The following CA8 variants were observed in gnomAD, a reference collection of about 807,000 sequenced individuals.
The protein encoded by CA8 is carbonic anhydrase-related protein.
In CA8, 22 loss-of-function variants were observed where a neutral mutation model predicts 41.4. That is an observed-to-expected ratio of 0.53 (90% CI 0.38 to 0.76). The LOEUF is 0.76. Among genes scored for constraint, CA8 ranks in the 30% least tolerant of loss-of-function variants. The pLI, the probability that CA8 is intolerant of heterozygous loss-of-function variation, is 0.00. For synonymous variants in CA8, 121 were observed against 130.6 expected, an observed-to-expected ratio of 0.93 and a Z score of 0.50; for missense variants, 270 against 352.8, an observed-to-expected ratio of 0.77 and a Z score of 1.88.
intron 3 of CA8, chr8:60,265,712 T>G (rs762173612): frequency 1.8e-6 from 1 of 562,866 alleles, no homozygotes; most frequent in Non-Finnish European, 3.2e-6. Flanking sequence ...TTTCTGGCCA[T>G]GTGCTCATGC....
chr8:60,202,032 T>C (rs1806446723), intron 8 of CA8, among the ~76,000 whole-genome samples: 1 of 142,204 alleles, frequency 7.0e-6, no homozygotes, highest in Non-Finnish European at 1.5e-5. Context: ...AGACAAACTT[T>C]CTGGGACTCA....
At chr8:60,273,702 A>G (rs1440336979) in intron 2 of CA8, among the ~76,000 whole-genome samples, 4 of 152,250 alleles carry the variant, frequency 2.6e-5, no homozygotes, top group African/African-American at 9.6e-5. Flanking sequence ...CTAACAGGAG[A>G]GAAAACTTCC....
At chr8:60,235,955 T>C (rs1168686026) in intron 3 of CA8, among the ~76,000 whole-genome samples, 1 of 152,156 alleles carries the variant, frequency 6.6e-6, no homozygotes, top group Non-Finnish European at 1.5e-5. Flanking sequence ...CACTGAAAGC[T>C]GGAATATAAG....
intron 7 of CA8, among the ~76,000 whole-genome samples, chr8:60,212,222 C>G (rs1233921679): frequency 6.6e-6 from 1 of 152,110 alleles, no homozygotes; most frequent in Non-Finnish European, 1.5e-5. Context: ...CCAAATTATC[C>G]ACTAAAAGTT....
intron 3 of CA8, among the ~76,000 whole-genome samples, chr8:60,233,800 T>C (rs976955303): frequency 6.6e-6 from 1 of 152,188 alleles, no homozygotes; most frequent in African/African-American, 2.4e-5. Flanking sequence ...GGGGCATTTT[T>C]TTAAACAAAA....
chr8:60,231,043 G>A (rs949438468), intron 4 of CA8, among the ~76,000 whole-genome samples: 2 of 151,766 alleles, frequency 1.3e-5, no homozygotes, highest in Non-Finnish European at 2.9e-5. Context: ...ACATTCTACT[G>A]TCTCAATTTC....
chr8:60,231,060 T>G (rs907007082), intron 4 of CA8, among the ~76,000 whole-genome samples: 3 of 152,238 alleles, frequency 2.0e-5, no homozygotes, highest in Admixed American at 2.0e-4. Context: ...TTTCTCAGAT[T>G]TAGATATTTT....
chr8:60,267,457 C>T (rs1206035304), intron 2 of CA8, among the ~76,000 whole-genome samples: 2 of 152,170 alleles, frequency 1.3e-5, no homozygotes, highest in African/African-American at 4.8e-5. Flanking sequence ...AGATTCATGG[C>T]CCTTAGGATC....
At chr8:60,236,341 C>CA (rs1286560746) in intron 3 of CA8, among the ~76,000 whole-genome samples, 1 of 152,218 alleles carries the variant, frequency 6.6e-6, no homozygotes, top group East Asian at 1.9e-4. Context: ...GCCTACCTTG[C>CA]AGATTTCAGA....
chr8:60,192,070 T>C (rs1806146796), intron 8 of CA8, among the ~76,000 whole-genome samples: 1 of 152,076 alleles, frequency 6.6e-6, no homozygotes, highest in Non-Finnish European at 1.5e-5. Context: ...CTATTGAGCT[T>C]TTCTTACTTA....
At chr8:60,217,892 C>T (rs1807076803) in intron 7 of CA8, among the ~76,000 whole-genome samples, 1 of 152,186 alleles carries the variant, frequency 6.6e-6, no homozygotes, top group African/African-American at 2.4e-5. Flanking sequence ...CATCTTCATA[C>T]TGCAGCTACA....
At chr8:60,270,387 A>G (rs1442939680) in intron 2 of CA8, among the ~76,000 whole-genome samples, 2 of 152,138 alleles carry the variant, frequency 1.3e-5, no homozygotes, top group African/African-American at 2.4e-5. Flanking sequence ...ATTCATTCTT[A>G]TTTTATTTAC....
intron 4 of CA8, 68 bp from the exon 5 acceptor site, chr8:60,227,003 C>A: frequency 9.1e-7 from 1 of 1,102,466 alleles, no homozygotes; most frequent in Non-Finnish European, 1.4e-6. Flanking sequence ...TAAAAAAAAA[C>A]TAATAGGGCT....
chr8:60,185,925 T>C lies in CA8; in HGVS notation c.*4096A>G, dbSNP rs1384166973. 6.6e-6 allele frequency among the ~76,000 whole-genome samples: 1 copy of C among 152,034 alleles called. No homozygotes were observed. The highest frequency in any genetic ancestry group is 1.5e-5 in the Non-Finnish European group (1 of 67,958). On this transcript the variant is annotated 3_prime_UTR_variant, in exon 9 of 9. Transcript: ENST00000317995. The stretch of plus-strand genomic sequence containing the variant: ...AGTATAAATGCATTTCTTCCTTCTC[T>C]TAAAGAGCAATTGTATAAAATATCA...
At chr8:60,247,008 C>T (rs540270596) in intron 3 of CA8, among the ~76,000 whole-genome samples, 6 of 150,952 alleles carry the variant, frequency 4.0e-5, no homozygotes, top group Non-Finnish European at 7.4e-5. Context: ...CTCAGCCTCC[C>T]GAGTAGCTGG....
chr8:60,197,559 T>G (rs1806316216), intron 8 of CA8, among the ~76,000 whole-genome samples: 1 of 152,208 alleles, frequency 6.6e-6, no homozygotes, highest in Admixed American at 6.5e-5. Flanking sequence ...AGTTAACGTT[T>G]TCAAGGTCAC....
In CA8 at chr8:60,274,970, G is replaced by C. The variant is rs144491924; in HGVS notation, c.292+4719C>G. Among the ~76,000 whole-genome samples the C allele has an allele frequency of 2.0e-3, 304 of 152,260 alleles. 3 individuals carry two copies. The highest frequency in any genetic ancestry group is 7.1e-3 in the African/African-American group (295 of 41,546). On this transcript the variant is annotated intron_variant, in intron 2 of 8. Transcript: ENST00000317995. ...AAAAGGAGCAGTTAAACCTCATCATGCATGGTCAGGCATGATGATGAGATC... is the reference window on the plus strand; with the variant it reads ...AAAAGGAGCAGTTAAACCTCATCATCCATGGTCAGGCATGATGATGAGATC...
rs114827865 is a variant in CA8, at chr8:60,232,432, A to G, written c.418-53T>C. On this transcript the variant is annotated intron_variant, in intron 3 of 8. Coordinates refer to ENST00000317995, the MANE Select transcript of CA8 (RefSeq NM_004056.6). ...ATCATTTAATGTGCTACTTCTAATC[A>G]TAAAAGCAAAGATATAGCCATTTCT... 816 of 1,210,762 alleles carry G rather than the reference A, an allele frequency of 6.7e-4. 2 individuals are homozygous for G. In the African/African-American group the frequency reaches 0.01, roughly 15 times the overall value. The allele number at this position is 1,210,762 out of a possible 1,614,324, so 75.0% of individuals were successfully genotyped here. A position where few individuals can be genotyped will look rare whatever the true frequency, so the allele number is the denominator to read the frequency against.
In CA8 at chr8:60,226,903, C is replaced by T. The variant is rs149577878; in HGVS notation, c.546G>A (p.Val182=). 6.2e-7 allele frequency: 1 copy of T among 1,603,724 alleles called. No homozygotes were observed. Among genetic ancestry groups the T allele is most frequent in the Non-Finnish European group, 8.5e-7 (1 of 1,170,826 alleles). ...ACTGAATATCTTGGAGGATTTCAGT[C>T]ACAGCCTTCAAGCCAACATGTTCCT... ...IGKEHVGLKA[V]TEILQDIQYK... The change falls in exon 5 of 9, where the codon GTG becomes GTA. Residue 182 remains valine, a synonymous_variant. Transcript: ENST00000317995.
Sources: gnomAD v4.1 joint callset for allele counts (sites outside exome capture counted in the v4.1 genomes callset) on GRCh38, gnomAD v4.1.1 for gene constraint, MANE v1.5 for transcripts, NCBI Gene and HGNC (gene_info 2026-07-23, HGNC 2026-07-21) for gene names.